Variants in SYT17 observed in about 807,000 individuals in gnomAD.
The protein encoded by SYT17 is synaptotagmin-17.
A neutral mutation model predicts 46.7 loss-of-function variants in SYT17; 22 were observed. The observed-to-expected ratio is 0.47, with a 90% confidence interval of 0.34 to 0.67. SYT17 has a LOEUF of 0.67. Among genes scored for constraint, SYT17 ranks in the 30% least tolerant of loss-of-function variants. The pLI, the probability that SYT17 is intolerant of heterozygous loss-of-function variation, is 0.01. For missense variants in SYT17, 519 were observed against 612.8 expected (o/e 0.85, Z 1.62); for synonymous variants, 251 against 248.4 (o/e 1.01, Z -0.10).
chr16:19,173,356 T>C, intron 2 of SYT17, 74 bp from the exon 3 acceptor site: 1 of 992,740 alleles, frequency 1.0e-6, no homozygotes, highest in South Asian at 1.7e-5. Context: ...GTGTTGTTTC[T>C]CCTCTTCCTC....
At chr16:19,257,850 T>C (rs1013996101) in intron 7 of SYT17, among the ~76,000 whole-genome samples, 1 of 152,196 alleles carries the variant, frequency 6.6e-6, no homozygotes, top group South Asian at 2.1e-4. Context: ...GAGTTGCATA[T>C]GGGAGCAGTG....
intron 5 of SYT17, among the ~76,000 whole-genome samples, chr16:19,216,379 TC>T (rs1256958038): frequency 4.6e-5 from 4 of 86,232 alleles, no homozygotes; most frequent in Non-Finnish European, 9.1e-5. Context: ...TACAATTATT[TC>T]TTTTTTTTTT....
intron 7 of SYT17, among the ~76,000 whole-genome samples, chr16:19,234,507 A>T (rs1157299422): frequency 6.6e-6 from 1 of 152,166 alleles, no homozygotes; most frequent in Admixed American, 6.5e-5. Flanking sequence ...TATTTTATAT[A>T]AAAAGCTTTA....
At chr16:19,172,675 T>A (rs1964145968) in intron 1 of SYT17, 85 bp from the exon 2 acceptor site, 1 of 1,582,378 alleles carries the variant, frequency 6.3e-7, no homozygotes, top group African/African-American at 1.4e-5. Context: ...GTTGCTGGAA[T>A]ATTGCTAAAC....
At chr16:19,226,639 G>A (rs1016173402) in intron 7 of SYT17, among the ~76,000 whole-genome samples, 1 of 152,120 alleles carries the variant, frequency 6.6e-6, no homozygotes, top group African/African-American at 2.4e-5. Flanking sequence ...ATAGACAAGG[G>A]CCTCACTCTC....
At chr16:19,256,437 AACACACACACACACACACACAC>A (rs57120408) in intron 7 of SYT17, among the ~76,000 whole-genome samples, 6 of 128,976 alleles carry the variant, frequency 4.7e-5, no homozygotes, top group African/African-American at 1.5e-4. Flanking sequence ...CCCCTCTTCA[AACACACACACACACACACACAC>A]ACACACACAC....
intron 7 of SYT17, among the ~76,000 whole-genome samples, chr16:19,249,478 G>A (rs1967872180): frequency 1.3e-5 from 2 of 152,012 alleles, no homozygotes; most frequent in South Asian, 4.1e-4. Flanking sequence ...ATCATAGGCA[G>A]TGATTAAAAT....
intron 4 of SYT17, among the ~76,000 whole-genome samples, chr16:19,182,804 T>C (rs1964610349): frequency 6.6e-6 from 1 of 152,252 alleles, no homozygotes; most frequent in South Asian, 2.1e-4. Flanking sequence ...GGTTTGAATA[T>C]GAACCTTGAA....
At chr16:19,260,533 A>AG (rs973736135) in intron 7 of SYT17, among the ~76,000 whole-genome samples, 1 of 145,272 alleles carries the variant, frequency 6.9e-6, no homozygotes, top group Non-Finnish European at 1.5e-5. Context: ...AAAAAAGGAA[A>AG]GAAAAAAAAA....
intron 5 of SYT17, among the ~76,000 whole-genome samples, chr16:19,192,279 G>C (rs1423850022): frequency 1.3e-5 from 2 of 151,748 alleles, no homozygotes; most frequent in Non-Finnish European, 2.9e-5. Context: ...AAATTAGCTG[G>C]GTGTGGTGGC....
chr16:19,260,877 G>C (rs888189304), intron 7 of SYT17, among the ~76,000 whole-genome samples: 3 of 152,166 alleles, frequency 2.0e-5, no homozygotes, highest in Admixed American at 6.5e-5. Flanking sequence ...TTCATTCACA[G>C]GTTATTCAAA....
At position 19,168,386 on chromosome 16, in the gene SYT17, G is replaced by T; in HGVS notation, c.-261G>T. ...GGAGCACGGGACAGCGAGGGAGGCC[G>T]AGGCGGGGGCCCTGGGCGCCCGATA... is the stretch of plus-strand genomic sequence containing the variant. On this transcript the variant is annotated 5_prime_UTR_variant, in exon 1 of 8. Transcript: ENST00000355377. This position sits in a 1 kb window ranked among gnomAD's most constrained non-coding sequence, Gnocchi z 6.9. 1 of 550,174 alleles carries T rather than the reference G, an allele frequency of 1.8e-6. No individual in the cohort carries two copies. The highest frequency in any genetic ancestry group is 3.5e-5 in the East Asian group (1 of 28,646). The allele number at this position is 550,174 out of a possible 1,614,324, so 34.1% of individuals were successfully genotyped here. A position where few individuals can be genotyped will look rare whatever the true frequency, so the allele number is the denominator to read the frequency against.
At chr16:19,254,700 C>T (rs936390151) in intron 7 of SYT17, among the ~76,000 whole-genome samples, 1 of 152,124 alleles carries the variant, frequency 6.6e-6, no homozygotes, top group African/African-American at 2.4e-5. Flanking sequence ...TTCCCCCAAG[C>T]GATGCCAGCT....
chr16:19,262,171 A>C (rs1159872386), intron 7 of SYT17, among the ~76,000 whole-genome samples: 1 of 152,252 alleles, frequency 6.6e-6, no homozygotes, highest in Non-Finnish European at 1.5e-5. Flanking sequence ...CAGCAAAGTG[A>C]AAGATTGCTG....
intron 7 of SYT17, among the ~76,000 whole-genome samples, chr16:19,228,597 C>T (rs989201827): frequency 2.6e-5 from 4 of 152,170 alleles, no homozygotes; most frequent in South Asian, 2.1e-4. Context: ...TTTAAAAACA[C>T]CCCAGATATT....
At chr16:19,175,616 A>G (rs1964282723) in intron 3 of SYT17, among the ~76,000 whole-genome samples, 1 of 142,408 alleles carries the variant, frequency 7.0e-6, no homozygotes, top group African/African-American at 2.6e-5. Flanking sequence ...ACGCCACTGC[A>G]GTCCAGCTTG....
intron 5 of SYT17, among the ~76,000 whole-genome samples, chr16:19,191,866 C>T (rs1425576865): frequency 6.6e-6 from 1 of 152,048 alleles, no homozygotes. Context: ...CTCACTGCAA[C>T]CTCTGCCTCT....
intron 3 of SYT17, among the ~76,000 whole-genome samples, chr16:19,174,138 G>A (rs1964218433): frequency 6.6e-6 from 1 of 152,202 alleles, no homozygotes; most frequent in Non-Finnish European, 1.5e-5. Flanking sequence ...GCTCCATCCT[G>A]TCCTCCAACG....
intron 7 of SYT17, among the ~76,000 whole-genome samples, chr16:19,238,751 C>T (rs190017276): frequency 1.2e-4 from 18 of 152,044 alleles, no homozygotes; most frequent in East Asian, 1.2e-3. Context: ...CTAAGCTATA[C>T]GAGGGGTCCA....
Sources: gnomAD v4.1 joint callset for allele counts (sites outside exome capture counted in the v4.1 genomes callset) on GRCh38, gnomAD v4.1.1 for gene constraint, Gnocchi (gnomAD v3.1) non-coding constraint, MANE v1.5 for transcripts, NCBI Gene and HGNC (gene_info 2026-07-23, HGNC 2026-07-21) for gene names.